Variants in ENTREP2 observed in about 807,000 individuals in gnomAD.
The protein encoded by ENTREP2 is protein ENTREP2.
the ENTREP2 span, among the ~76,000 whole-genome samples, chr15:29,624,143 C>T: frequency 8.5e-5 from 13 of 152,186 alleles, no homozygotes; most frequent in Non-Finnish European, 1.5e-4. Context: ...GGTTTATCCA[C>T]GTTTTCGTGC....
chr15:29,365,028 A>C, the ENTREP2 span, among the ~76,000 whole-genome samples: 1 of 152,174 alleles, frequency 6.6e-6, no homozygotes, highest in African/African-American at 2.4e-5. Flanking sequence ...TATATTATAC[A>C]GAATAGTTTC....
At chr15:29,386,619 T>C in the ENTREP2 span, among the ~76,000 whole-genome samples, 5 of 152,190 alleles carry the variant, frequency 3.3e-5, no homozygotes, top group Non-Finnish European at 7.3e-5. Context: ...CAATTGGAGA[T>C]GTTGAATCCC....
At chr15:29,194,614 C>T in the ENTREP2 span, among the ~76,000 whole-genome samples, 1 of 152,320 alleles carries the variant, frequency 6.6e-6, no homozygotes, top group African/African-American at 2.4e-5. Context: ...TTTTTGCCAC[C>T]TCATACCAAG....
chr15:29,234,869 C>T, the ENTREP2 span: 444 of 1,458,792 alleles, frequency 3.0e-4, no homozygotes, highest in Middle Eastern at 3.4e-4. Context: ...GTGCCCCGAA[C>T]GAATTGTTGT....
At chr15:29,545,921 CAT>C in the ENTREP2 span, among the ~76,000 whole-genome samples, 2 of 152,142 alleles carry the variant, frequency 1.3e-5, no homozygotes, top group Non-Finnish European at 2.9e-5. Flanking sequence ...GAGAAGAAAA[CAT>C]GTGATTAACC....
At chr15:29,638,173 G>A in the ENTREP2 span, among the ~76,000 whole-genome samples, 2 of 152,238 alleles carry the variant, frequency 1.3e-5, no homozygotes, top group Non-Finnish European at 2.9e-5. Context: ...TCTATGGCGA[G>A]GCTCTGCCAG....
the ENTREP2 span, among the ~76,000 whole-genome samples, chr15:29,602,123 G>A: frequency 6.6e-6 from 1 of 152,200 alleles, no homozygotes; most frequent in African/African-American, 2.4e-5. Flanking sequence ...ACCACGAGAA[G>A]CAAAGCCTGC....
At chr15:29,550,527 G>A in the ENTREP2 span, among the ~76,000 whole-genome samples, 5 of 152,182 alleles carry the variant, frequency 3.3e-5, no homozygotes, top group South Asian at 1.0e-3. Flanking sequence ...ACCAAAGCGA[G>A]TAAAAATCCT....
At chr15:29,207,581 C>A in the ENTREP2 span, among the ~76,000 whole-genome samples, 1 of 152,110 alleles carries the variant, frequency 6.6e-6, no homozygotes, top group African/African-American at 2.4e-5. Context: ...CTGATTGGTG[C>A]ATTTTACAGA....
the ENTREP2 span, among the ~76,000 whole-genome samples, chr15:29,574,528 G>T: frequency 4.6e-5 from 7 of 152,132 alleles, no homozygotes; most frequent in Admixed American, 1.3e-4. Flanking sequence ...GCTTGACTTT[G>T]TGATCCACCC....
chr15:29,638,398 A>C, the ENTREP2 span, among the ~76,000 whole-genome samples: 1 of 152,252 alleles, frequency 6.6e-6, no homozygotes, highest in South Asian at 2.1e-4. Flanking sequence ...AGACATTGCC[A>C]AATGTCCCCA....
chr15:29,292,164 C>T, the ENTREP2 span, among the ~76,000 whole-genome samples: 1 of 152,312 alleles, frequency 6.6e-6, no homozygotes, highest in East Asian at 1.9e-4. Context: ...TTTGCCAGCA[C>T]TTTCATGTTC....
chr15:29,539,616 T>G, the ENTREP2 span, among the ~76,000 whole-genome samples: 1 of 152,116 alleles, frequency 6.6e-6, no homozygotes, highest in East Asian at 1.9e-4. Context: ...CTGGAGGGTC[T>G]ACCACCTGCC....
At chr15:29,324,330 C>A in the ENTREP2 span, among the ~76,000 whole-genome samples, 1 of 152,094 alleles carries the variant, frequency 6.6e-6, no homozygotes, top group Non-Finnish European at 1.5e-5. Flanking sequence ...AATTGGCCTA[C>A]CTTGGCCTCC....
chr15:29,348,669 G>A, the ENTREP2 span, among the ~76,000 whole-genome samples: 1 of 152,166 alleles, frequency 6.6e-6, no homozygotes. Flanking sequence ...CTTCTGCAAT[G>A]TGACCCGCGA....
chr15:29,546,335 T>C, the ENTREP2 span, among the ~76,000 whole-genome samples: 249 of 152,088 alleles, frequency 1.6e-3, no homozygotes, highest in African/African-American at 5.9e-3. Context: ...CGCCAACAGA[T>C]AATCAGTGCA....
At chr15:29,604,004 A>G in the ENTREP2 span, among the ~76,000 whole-genome samples, 113 of 152,316 alleles carry the variant, frequency 7.4e-4, no homozygotes, top group Non-Finnish European at 1.5e-3. Context: ...TCTATATGGT[A>G]GATTTCTCAC....
At chr15:29,364,757 G>A in the ENTREP2 span, among the ~76,000 whole-genome samples, 25,809 of 151,978 alleles carry the variant, frequency 0.17, 2,405 homozygotes, top group East Asian at 0.38. Flanking sequence ...TTTTTTAGTT[G>A]ACTTTATTTT....
the ENTREP2 span, among the ~76,000 whole-genome samples, chr15:29,383,812 C>T: frequency 6.6e-5 from 10 of 152,170 alleles, no homozygotes; most frequent in Non-Finnish European, 1.2e-4. Context: ...AACCAAAGCA[C>T]GCACACCAGG....
Sources: gnomAD v4.1 joint callset for allele counts (sites outside exome capture counted in the v4.1 genomes callset) on GRCh38, gnomAD v4.1.1 for gene constraint, MANE v1.5 for transcripts, NCBI Gene and HGNC (gene_info 2026-07-23, HGNC 2026-07-21) for gene names.